CCR5AS: variants seen among roughly 807,000 people sequenced by gnomAD.
The protein encoded by CCR5AS is CCR5 antisense RNA.
chr3:46,387,216 G>A (rs999207873), intron 2 of CCR5AS, among the ~76,000 whole-genome samples: 6 of 152,060 alleles, frequency 3.9e-5, no homozygotes, highest in South Asian at 2.1e-4. Flanking sequence ...TCCAGAAATC[G>A]TGAGCATGAT....
intron 2 of CCR5AS, among the ~76,000 whole-genome samples, chr3:46,372,247 G>A (rs889095893): frequency 3.3e-5 from 5 of 152,106 alleles, no homozygotes; most frequent in African/African-American, 1.2e-4. Context: ...AGACTGAGTT[G>A]CAGCCGGGCA....
At chr3:46,393,473 A>AC (rs1323943505) in intron 1 of CCR5AS, among the ~76,000 whole-genome samples, 1 of 150,838 alleles carries the variant, frequency 6.6e-6, no homozygotes, top group Non-Finnish European at 1.5e-5. Flanking sequence ...AAAAAAAAGA[A>AC]AAGAAAAGAA....
chr3:46,366,076 T>C (rs1043868244), intron 3 of CCR5AS, among the ~76,000 whole-genome samples: 1 of 152,190 alleles, frequency 6.6e-6, no homozygotes, highest in Non-Finnish European at 1.5e-5. Flanking sequence ...TGCCCACTTC[T>C]ACAATCCATT....
intron 3 of CCR5AS, among the ~76,000 whole-genome samples, chr3:46,366,814 G>A (rs1411335950): frequency 6.6e-6 from 1 of 152,210 alleles, no homozygotes; most frequent in East Asian, 1.9e-4. Context: ...CTGGATGGGG[G>A]TAGATTCTTC....
intron 1 of CCR5AS, among the ~76,000 whole-genome samples, chr3:46,393,465 A>C (rs1701932908): frequency 1.3e-5 from 2 of 150,584 alleles, no homozygotes; most frequent in African/African-American, 4.9e-5. Context: ...AGCCACAAAA[A>C]AAAAAGAAAA....
chr3:46,393,874 A>G (rs1701937302), intron 1 of CCR5AS, among the ~76,000 whole-genome samples: 2 of 152,224 alleles, frequency 1.3e-5, no homozygotes, highest in South Asian at 4.1e-4. Context: ...AATCGGCACA[A>G]ATGAAACCAT....
chr3:46,372,881 T>C, intron 2 of CCR5AS: 2 of 1,528,734 alleles, frequency 1.3e-6, no homozygotes, highest in Non-Finnish European at 1.8e-6. Context: ...TCACTTTTTA[T>C]TTATGCACAG....
At chr3:46,388,020 G>T (rs112550266) in intron 2 of CCR5AS, among the ~76,000 whole-genome samples, 2 of 152,002 alleles carry the variant, frequency 1.3e-5, no homozygotes, top group African/African-American at 4.8e-5. Flanking sequence ...GCAGGAACTG[G>T]GTATTTTCAC....
chr3:46,405,367 G>A (rs1478308796), intron 1 of CCR5AS, among the ~76,000 whole-genome samples: 2 of 152,210 alleles, frequency 1.3e-5, no homozygotes, highest in African/African-American at 4.8e-5. Flanking sequence ...TGCGGTACAT[G>A]AGGTGCCTGA....
At chr3:46,392,914 G>T in exon 2 of CCR5AS, 1 of 183,820 alleles carries the variant, frequency 5.4e-6, no homozygotes, top group Non-Finnish European at 1.1e-5. Flanking sequence ...GTGAGGAGAG[G>T]GGACCAATCT....
At chr3:46,384,874 TAG>T (rs1416080052) in intron 2 of CCR5AS, among the ~76,000 whole-genome samples, 17 of 148,126 alleles carry the variant, frequency 1.1e-4, no homozygotes, top group African/African-American at 3.5e-4. Flanking sequence ...GATAGATAGA[TAG>T]ATAGATAGAT....
intron 2 of CCR5AS, among the ~76,000 whole-genome samples, chr3:46,387,857 G>A (rs1250867419): frequency 6.6e-6 from 1 of 152,132 alleles, no homozygotes; most frequent in African/African-American, 2.4e-5. Flanking sequence ...CAGTTAAAGG[G>A]GGTTGTCCTC....
chr3:46,378,249 AT>A (rs1701782065), intron 2 of CCR5AS, among the ~76,000 whole-genome samples: 1 of 152,082 alleles, frequency 6.6e-6, no homozygotes, highest in Admixed American at 6.5e-5. Context: ...ACAAATACAT[AT>A]TTTTATATAA....
chr3:46,381,507 A>C (rs1701816416), intron 2 of CCR5AS, among the ~76,000 whole-genome samples: 1 of 152,242 alleles, frequency 6.6e-6, no homozygotes, highest in Non-Finnish European at 1.5e-5. Context: ...CAGATATCTG[A>C]TAACTTAATC....
intron 1 of CCR5AS, among the ~76,000 whole-genome samples, chr3:46,400,172 G>A (rs1701994875): frequency 6.6e-6 from 1 of 151,950 alleles, no homozygotes. Flanking sequence ...TTGTACATTT[G>A]TAGAGACAGG....
chr3:46,388,472 G>T (rs1471544899), intron 2 of CCR5AS, among the ~76,000 whole-genome samples: 2 of 152,156 alleles, frequency 1.3e-5, no homozygotes, highest in Admixed American at 1.3e-4. Flanking sequence ...TAAGAACTGG[G>T]AGGACCCAGG....
At chr3:46,400,620 T>C (rs1221082682) in intron 1 of CCR5AS, among the ~76,000 whole-genome samples, 1 of 152,142 alleles carries the variant, frequency 6.6e-6, no homozygotes, top group South Asian at 2.1e-4. Flanking sequence ...TGGGCACTAG[T>C]GGAGTGAAAC....
intron 2 of CCR5AS, among the ~76,000 whole-genome samples, chr3:46,378,312 T>C (rs892508462): frequency 9.9e-5 from 15 of 152,278 alleles, no homozygotes; most frequent in South Asian, 2.1e-4. Flanking sequence ...TGCATGCATA[T>C]AATATATATT....
intron 2 of CCR5AS, among the ~76,000 whole-genome samples, chr3:46,381,678 A>C (rs982482149): frequency 2.0e-5 from 3 of 152,248 alleles, no homozygotes; most frequent in Admixed American, 2.0e-4. Context: ...CCATTACCAA[A>C]GACTATTCAA....
Sources: allele counts gnomAD v4.1 joint callset (sites outside exome capture counted in the v4.1 genomes callset), GRCh38; gene constraint gnomAD v4.1.1; transcripts MANE v1.5; gene names NCBI Gene and HGNC (gene_info 2026-07-23, HGNC 2026-07-21).